NBAS: variants seen among roughly 807,000 people sequenced by gnomAD.
NBAS encodes NBAS subunit of NRZ tethering complex, also known as NAG/BC035112 fusion.
NBAS carries 219 observed loss-of-function variants against 302.5 expected under a neutral mutation model. The observed-to-expected ratio is 0.72, with a 90% confidence interval of 0.65 to 0.81. The LOEUF (loss-of-function observed/expected upper bound fraction) is 0.81, where lower values mean the gene tolerates loss of function less well. Among genes scored for constraint, NBAS ranks in the 30% least tolerant of loss-of-function variants. The probability of loss-of-function intolerance (pLI) is 0.00; values close to 1 mark genes in which losing one functional copy is unlikely to be tolerated. For missense variants in NBAS, 2,932 were observed against 2,841.6 expected, an observed-to-expected ratio of 1.03 and a Z score of -0.72; for synonymous variants, 1,118 against 1,021.6, an observed-to-expected ratio of 1.09 and a Z score of -1.80.
At chr2:15,335,706 T>C (rs569030884) in intron 35 of NBAS, among the ~76,000 whole-genome samples, 3 of 152,330 alleles carry the variant, frequency 2.0e-5, no homozygotes, top group African/African-American at 7.2e-5. Flanking sequence ...ATACAAGCTC[T>C]TTATATATTC....
At chr2:15,482,044 G>A (rs894419343) in intron 12 of NBAS, among the ~76,000 whole-genome samples, 2 of 152,104 alleles carry the variant, frequency 1.3e-5, no homozygotes, top group African/African-American at 4.8e-5. Context: ...ATCACCATTA[G>A]GCCATACCTT....
the NBAS span, among the ~76,000 whole-genome samples, chr2:15,147,592 CA>C: frequency 6.6e-6 from 1 of 151,738 alleles, no homozygotes; most frequent in East Asian, 1.9e-4. Flanking sequence ...AACTCCGTCT[CA>C]AAAAAATAAT....
chr2:15,014,488 C>G, the NBAS span, among the ~76,000 whole-genome samples: 1 of 152,036 alleles, frequency 6.6e-6, no homozygotes, highest in Admixed American at 6.6e-5. Flanking sequence ...GCCTTGGAAA[C>G]TACACAAACA....
the NBAS span, among the ~76,000 whole-genome samples, chr2:14,983,215 A>G: frequency 6.6e-6 from 1 of 152,210 alleles, no homozygotes; most frequent in Non-Finnish European, 1.5e-5. Flanking sequence ...ACTGTGCCTG[A>G]CACATGTGAG....
chr2:15,396,289 A>G, intron 27 of NBAS, 124 bp downstream of exon 27: 1 of 727,880 alleles, frequency 1.4e-6, no homozygotes, highest in Non-Finnish European at 2.3e-6. Flanking sequence ...TTCACTCCCA[A>G]GACAATCAAA....
chr2:15,453,341 T>C (rs1275251661), intron 21 of NBAS, among the ~76,000 whole-genome samples: 1 of 152,358 alleles, frequency 6.6e-6, no homozygotes, highest in Non-Finnish European at 1.5e-5. Flanking sequence ...TCATACAATT[T>C]ATCACACTGT....
chr2:15,218,944 G>A lies in NBAS; in HGVS notation c.6261C>T (p.Asp2087=), dbSNP rs1434336368. The change falls in exon 48 of 52, where the codon GAC becomes GAT. Residue 2087 remains aspartate (D), a synonymous_variant. Transcript: ENST00000281513. The part of the protein sequence containing the change: ...DKGEELVSPE[D]LLEWLRPFCA... ...AGAAAGGCCGCAGCCACTCCAGCAG[G>A]TCCTCAGGTGAAACCAGCTCCTCAC... 1.2e-6 allele frequency: 2 copies of A among 1,614,118 alleles called. No homozygotes were observed. The highest frequency in any genetic ancestry group is 2.2e-5 in the East Asian group (1 of 44,900).
chr2:15,253,314 A>G (rs943016517), intron 44 of NBAS, among the ~76,000 whole-genome samples: 1 of 152,154 alleles, frequency 6.6e-6, no homozygotes, highest in Non-Finnish European at 1.5e-5. Flanking sequence ...CAATCACCAA[A>G]GCCAAACATC....
the NBAS span, among the ~76,000 whole-genome samples, chr2:15,102,507 T>C: frequency 3.3e-5 from 5 of 152,188 alleles, no homozygotes; most frequent in East Asian, 9.6e-4. Flanking sequence ...GACAATGTAG[T>C]TACTTCTGCT....
chr2:15,259,845 CT>C (rs1668768867), intron 44 of NBAS, among the ~76,000 whole-genome samples: 1 of 152,214 alleles, frequency 6.6e-6, no homozygotes, highest in South Asian at 2.1e-4. Flanking sequence ...AGTATTCTGC[CT>C]TTTTTGTTTT....
the NBAS span, among the ~76,000 whole-genome samples, chr2:15,042,632 T>C: frequency 6.6e-6 from 1 of 152,130 alleles, no homozygotes; most frequent in African/African-American, 2.4e-5. Flanking sequence ...CAATGAGAGA[T>C]GAGGATGGCA....
chr2:15,395,852 A>G (rs1461912505), intron 27 of NBAS, among the ~76,000 whole-genome samples: 1 of 152,124 alleles, frequency 6.6e-6, no homozygotes, highest in Non-Finnish European at 1.5e-5. Context: ...CTACATGGGA[A>G]ATTAAGATGA....
chr2:14,976,099 A>T, the NBAS span, among the ~76,000 whole-genome samples: 1 of 152,210 alleles, frequency 6.6e-6, no homozygotes, highest in Non-Finnish European at 1.5e-5. Flanking sequence ...GGGCCCTAGG[A>T]ATAATGGGGG....
chr2:14,943,495 A>G, the NBAS span, among the ~76,000 whole-genome samples: 1 of 152,248 alleles, frequency 6.6e-6, no homozygotes, highest in African/African-American at 2.4e-5. Context: ...TAGAAAATTC[A>G]TACAATCACA....
the NBAS span, among the ~76,000 whole-genome samples, chr2:15,085,528 A>T: frequency 6.6e-6 from 1 of 151,954 alleles, no homozygotes; most frequent in African/African-American, 2.4e-5. Context: ...CCCAGCAAGG[A>T]CCTGGAGCCC....
chr2:15,230,343 T>C (rs1204131690), intron 47 of NBAS, among the ~76,000 whole-genome samples: 4 of 150,886 alleles, frequency 2.7e-5, no homozygotes, highest in Admixed American at 2.6e-4. Flanking sequence ...CAAAAAATAC[T>C]TGCCAAAATA....
chr2:15,259,853 T>G (rs184932257), intron 44 of NBAS, among the ~76,000 whole-genome samples: 1 of 152,352 alleles, frequency 6.6e-6, no homozygotes, highest in East Asian at 1.9e-4. Context: ...GCCTTTTTTG[T>G]TTTGGTGAAG....
intron 48 of NBAS, among the ~76,000 whole-genome samples, chr2:15,204,139 C>T (rs967747793): frequency 1.3e-5 from 2 of 151,720 alleles, no homozygotes; most frequent in African/African-American, 4.8e-5. Context: ...TGCATGCCTG[C>T]GGTCTCAGTG....
chr2:15,539,389 C>A, intron 6 of NBAS, 33 bp from the exon 7 acceptor site: 3 of 1,613,228 alleles, frequency 1.9e-6, no homozygotes, highest in Non-Finnish European at 2.5e-6. Flanking sequence ...GTGCTTCTAA[C>A]AATATATTAC....
Sources: allele counts gnomAD v4.1 joint callset (sites outside exome capture counted in the v4.1 genomes callset), GRCh38; gene constraint gnomAD v4.1.1; transcripts MANE v1.5; gene names NCBI Gene and HGNC (gene_info 2026-07-23, HGNC 2026-07-21).